Variants in SRGAP2C observed in about 807,000 individuals in gnomAD.
The protein encoded by SRGAP2C is SLIT-ROBO Rho GTPase activating protein 2C, also known as SLIT-ROBO Rho GTPase-activating protein 2C.
Under a neutral mutation model 25.1 loss-of-function variants are expected in SRGAP2C, and 15 were observed. The ratio of observed to expected loss-of-function variants is 0.60; its 90% CI spans 0.40 to 0.92. SRGAP2C has a LOEUF of 0.92. SRGAP2C is among the 40% of genes least tolerant of loss of function. The pLI, the probability that SRGAP2C is intolerant of heterozygous loss-of-function variation, is 0.00. For synonymous variants in SRGAP2C, 44 were observed against 96.6 expected, an observed-to-expected ratio of 0.46 and a Z score of 3.19; for missense variants, 144 against 264.4, an observed-to-expected ratio of 0.54 and a Z score of 3.16.
chr1:121,210,280 A>G (rs1369253469), intron 2 of SRGAP2C, among the ~76,000 whole-genome samples: 2 of 150,494 alleles, frequency 1.3e-5, no homozygotes, highest in South Asian at 2.1e-4. Context: ...TGACATATGT[A>G]TGCTGGTTCC....
At position 121,279,579 on chromosome 1, in the gene SRGAP2C, C is replaced by CCAGTTGCATG. The variant is rs1657195652; in HGVS notation, c.68-5223_68-5222insAGTTGCATGC. Among the ~76,000 whole-genome samples the CCAGTTGCATG allele has an allele frequency of 1.3e-5, 2 of 151,462 alleles. 1 individual carries two copies. The highest frequency in any genetic ancestry group is 4.9e-5 in the African/African-American group (2 of 41,226). On this transcript the variant is annotated intron_variant, in intron 2 of 9. Coordinates refer to ENST00000367123, the MANE Select transcript of SRGAP2C (RefSeq NM_001329984.2). ...CTGCCAGTTGCATGCTTATTGAGAC[C>CCAGTTGCATG]CTTCAGCATCTTTCTAAAAAGGAAA... is the stretch of plus-strand genomic sequence containing the variant.
rs587768594 is a variant in SRGAP2C at position 121,374,845 on chromosome 1, A to G, written c.722A>G (p.Glu241Gly). 45 of 775,116 alleles carry G rather than the reference A, an allele frequency of 5.8e-5. No individual in the cohort carries two copies. In the African/African-American group the frequency reaches 6.9e-4, roughly 12 times the overall value. 48.0% of individuals were successfully genotyped at this position (775,116 alleles called of 1,614,324 possible). A position where few individuals can be genotyped will look rare whatever the true frequency, so the allele number is the denominator to read the frequency against. The change falls in exon 7 of 10, where the codon GAG (glutamate) becomes GGG (glycine). Residue 241 changes from glutamate to glycine, a missense_variant. Glu to Gly is a moderately conservative substitution (Grantham distance 98). Coordinates refer to ENST00000367123, the MANE Select transcript of SRGAP2C (RefSeq NM_001329984.2). ...TTTCAGCACCAAGCCAAGTACACGGAGAATAAGCTGAAGGCCATCAAAGCC... is the reference window on the plus strand; with the variant it reads ...TTTCAGCACCAAGCCAAGTACACGGGGAATAAGCTGAAGGCCATCAAAGCC... ...MKEKHQAKYTENKLKAIKAQN... is the reference protein window; with the variant it reads ...MKEKHQAKYTGNKLKAIKAQN...
chr1:121,236,574 C>A (rs1347181704), intron 2 of SRGAP2C, among the ~76,000 whole-genome samples: 1 of 152,166 alleles, frequency 6.6e-6, no homozygotes, highest in Non-Finnish European at 1.5e-5. Context: ...TTAACTGAAA[C>A]CCTCCCTCAC....
intron 2 of SRGAP2C, among the ~76,000 whole-genome samples, chr1:121,204,186 T>A (rs1655059626): frequency 6.7e-6 from 1 of 148,860 alleles, no homozygotes; most frequent in South Asian, 2.2e-4. Context: ...TAGTTTTTTG[T>A]AATGGCAAGA....
At position 121,314,626 on chromosome 1, in the gene SRGAP2C, G is replaced by C. The variant is rs1216504168; in HGVS notation, c.261-9852G>C. 3.3e-5 allele frequency among the ~76,000 whole-genome samples: 5 copies of C among 150,578 alleles called. No individual in the cohort carries two copies. The South Asian group carries it at 1.1e-3, about 32-fold the overall frequency. ...TTCGGTGTGGATGTCCTTTCTGTTT[G>C]TTAGTTTTCCTTCTAACAGACAGGA... is the stretch of plus-strand genomic sequence containing the variant. On this transcript the variant is annotated intron_variant, in intron 3 of 9. Coordinates refer to ENST00000367123, the MANE Select transcript of SRGAP2C (RefSeq NM_001329984.2).
At chr1:121,315,502 G>A (rs1658077273) in intron 3 of SRGAP2C, among the ~76,000 whole-genome samples, 3 of 151,438 alleles carry the variant, frequency 2.0e-5, no homozygotes, top group African/African-American at 4.9e-5. Context: ...ACCTGAACTC[G>A]CTAATTTGAT....
chr1:121,306,322 G>T (rs1473713471), intron 3 of SRGAP2C, among the ~76,000 whole-genome samples: 2 of 135,518 alleles, frequency 1.5e-5, no homozygotes, highest in Admixed American at 7.6e-5. Flanking sequence ...TCCTCATTCT[G>T]GGAATTTGCC....
At chr1:121,298,563 A>G (rs1365103716) in intron 3 of SRGAP2C, among the ~76,000 whole-genome samples, 4 of 59,656 alleles carry the variant, frequency 6.7e-5, no homozygotes, top group East Asian at 9.9e-4. Context: ...ATGGCTTTAT[A>G]TCTTCCTTTT....
chr1:121,299,502 C>A (rs1227706532), intron 3 of SRGAP2C, among the ~76,000 whole-genome samples: 2 of 81,110 alleles, frequency 2.5e-5, no homozygotes, highest in African/African-American at 1.2e-4. Flanking sequence ...GAGCACAGTT[C>A]TGCGTCTTAA....
chr1:121,254,903 G>A (rs1285131076), intron 2 of SRGAP2C, among the ~76,000 whole-genome samples: 14 of 151,610 alleles, frequency 9.2e-5, no homozygotes, highest in South Asian at 4.2e-4. Context: ...GGATATCTGG[G>A]GATTTATATT....
intron 3 of SRGAP2C, among the ~76,000 whole-genome samples, chr1:121,308,862 C>A (rs1246805120): frequency 1.4e-5 from 2 of 142,610 alleles, no homozygotes; most frequent in East Asian, 4.1e-4. Context: ...TCGCTTGAAC[C>A]CAGGAGGCGG....
chr1:121,222,280 C>G (rs1363410193), intron 2 of SRGAP2C, among the ~76,000 whole-genome samples: 1 of 152,078 alleles, frequency 6.6e-6, no homozygotes, highest in Non-Finnish European at 1.5e-5. Flanking sequence ...GGCTGCTGAA[C>G]CTGACCTTTG....
intron 4 of SRGAP2C, among the ~76,000 whole-genome samples, chr1:121,337,722 A>G (rs1658550522): frequency 7.0e-6 from 1 of 143,626 alleles, no homozygotes; most frequent in Non-Finnish European, 1.5e-5. Context: ...GGCACCATGC[A>G]AATAGTAGTT....
At position 121,222,009 on chromosome 1, in the gene SRGAP2C, T is replaced by G. The variant is rs587627940; in HGVS notation, c.67+34496T>G. ...GATGTCACTCTTCTTCAGTTTCATATCCAGTTTCTGCTTGCCTGAGCTAGA... is the reference window on the plus strand; with the variant it reads ...GATGTCACTCTTCTTCAGTTTCATAGCCAGTTTCTGCTTGCCTGAGCTAGA... On this transcript the variant is annotated intron_variant, in intron 2 of 9. Transcript: ENST00000367123. Among the ~76,000 whole-genome samples, 39 of 152,166 alleles carry G rather than the reference T, an allele frequency of 2.6e-4. 1 individual carries two copies. Among genetic ancestry groups the G allele is most frequent in the Non-Finnish European group, 4.1e-4 (28 of 68,018 alleles).
At chr1:121,198,547 AG>A (rs1414250902) in intron 2 of SRGAP2C, among the ~76,000 whole-genome samples, 1 of 126,322 alleles carries the variant, frequency 7.9e-6, no homozygotes, top group African/African-American at 3.1e-5. Context: ...TAAGAGCATG[AG>A]CTGGCCATGA....
rs1298101472 is a variant in SRGAP2C at position 121,213,711 on chromosome 1, G to A, written c.67+26198G>A. On this transcript the variant is annotated intron_variant, in intron 2 of 9. Transcript: ENST00000367123. ...CAGATGGCCTGGGCGCTCACAGTAA[G>A]TTACGTTTACATAGTGGAGAGGTGA... 4.0e-5 allele frequency among the ~76,000 whole-genome samples: 3 copies of A among 74,580 alleles called. 1 individual carries two copies. Among genetic ancestry groups the A allele is most frequent in the South Asian group, 6.6e-4 (2 of 3,042 alleles). 48.9% of individuals were successfully genotyped at this position (74,580 alleles called of 152,430 possible). A position where few individuals can be genotyped will look rare whatever the true frequency, so the allele number is the denominator to read the frequency against.
intron 2 of SRGAP2C, among the ~76,000 whole-genome samples, chr1:121,226,983 TG>T (rs1655690206): frequency 1.7e-5 from 2 of 117,522 alleles, no homozygotes; most frequent in Admixed American, 9.6e-5. Context: ...GGCCTGGAAT[TG>T]TCACTTCGAA....
intron 2 of SRGAP2C, among the ~76,000 whole-genome samples, chr1:121,239,867 C>T (rs1570730612): frequency 6.6e-6 from 1 of 152,354 alleles, no homozygotes; most frequent in South Asian, 2.1e-4. Context: ...GTTTACTATC[C>T]CTGAATTAAA....
intron 4 of SRGAP2C, among the ~76,000 whole-genome samples, chr1:121,350,536 T>C (rs1355671257): frequency 1.3e-5 from 2 of 151,976 alleles, no homozygotes; most frequent in African/African-American, 4.8e-5. Flanking sequence ...TTAACTATGT[T>C]TAATATGTTT....
Sources: gnomAD v4.1 joint callset for allele counts (sites outside exome capture counted in the v4.1 genomes callset) on GRCh38, gnomAD v4.1.1 for gene constraint, MANE v1.5 for transcripts, NCBI Gene and HGNC (gene_info 2026-07-23, HGNC 2026-07-21) for gene names.